Variants in PC observed in about 807,000 individuals in gnomAD.
The protein encoded by PC is pyruvate carboxylase, also known as pyruvate carboxylase, mitochondrial.
In PC, 46 loss-of-function variants were observed where a neutral mutation model predicts 107.8. The observed-to-expected ratio is 0.43, with a 90% CI of 0.34 to 0.55. The LOEUF is 0.55. PC is among the 20% of genes least tolerant of loss of function. The probability of loss-of-function intolerance (pLI) is 0.04; values close to 1 mark genes in which losing one functional copy is unlikely to be tolerated. For missense variants in PC, 1,241 were observed against 1,643.1 expected, an observed-to-expected ratio of 0.76 and a Z score of 4.23; for synonymous variants, 662 against 684.7, an observed-to-expected ratio of 0.97 and a Z score of 0.52.
At chr11:66,942,348 C>T (rs1372626344) in intron 3 of PC, among the ~76,000 whole-genome samples, 5 of 148,640 alleles carry the variant, frequency 3.4e-5, no homozygotes, top group African/African-American at 7.5e-5. Context: ...TGCAGTGAGC[C>T]GAGATCGCAC....
At chr11:66,867,137 G>A (rs1565239087) in intron 10 of PC, among the ~76,000 whole-genome samples, 1 of 152,208 alleles carries the variant, frequency 6.6e-6, no homozygotes, top group Non-Finnish European at 1.5e-5. Flanking sequence ...TGTAATCCCA[G>A]CACTTTGGGA....
chr11:66,877,210 T>G (rs145323014), intron 3 of PC, among the ~76,000 whole-genome samples: 1 of 151,982 alleles, frequency 6.6e-6, no homozygotes, highest in South Asian at 2.1e-4. Context: ...ACATGGTGAA[T>G]CCCCGTCTCT....
At chr11:66,940,907 C>T (rs113528271) in intron 3 of PC, among the ~76,000 whole-genome samples, 152 of 151,688 alleles carry the variant, frequency 1.0e-3, no homozygotes, top group South Asian at 1.3e-3. Context: ...GCTAACACGT[C>T]TCTACTAAAA....
chr11:66,901,273 C>T (rs1283616338), intron 3 of PC, among the ~76,000 whole-genome samples: 2 of 152,106 alleles, frequency 1.3e-5, no homozygotes, highest in East Asian at 1.9e-4. Context: ...TAGGTCCAGC[C>T]GATGAGACAG....
intron 3 of PC, among the ~76,000 whole-genome samples, chr11:66,922,553 T>TAAAAAAAA (rs1198835228): frequency 1.2e-5 from 1 of 84,370 alleles, no homozygotes; most frequent in Non-Finnish European, 2.3e-5. Flanking sequence ...GACTTTGTCT[T>TAAAAAAAA]AAAAAAAAAA....
chr11:66,925,336 A>C (rs1372658450), intron 3 of PC, among the ~76,000 whole-genome samples: 1 of 152,130 alleles, frequency 6.6e-6, no homozygotes, highest in Non-Finnish European at 1.5e-5. Flanking sequence ...CTTAGACCAT[A>C]AAAGACGGCT....
intron 3 of PC, among the ~76,000 whole-genome samples, chr11:66,940,199 C>CT (rs144463616): frequency 0.026 from 3,575 of 137,392 alleles, 151 homozygotes; most frequent in African/African-American, 0.089. Context: ...GTTCCCAAAA[C>CT]TTTTTTTTTT....
At chr11:66,874,058 C>T (rs1428468128) in intron 3 of PC, among the ~76,000 whole-genome samples, 3 of 151,926 alleles carry the variant, frequency 2.0e-5, no homozygotes, top group Admixed American at 6.6e-5. Flanking sequence ...CTCCTGGGTT[C>T]GAGTGATTCT....
At chr11:66,931,128 C>T (rs965764499) in intron 3 of PC, among the ~76,000 whole-genome samples, 2 of 152,090 alleles carry the variant, frequency 1.3e-5, no homozygotes, top group African/African-American at 4.8e-5. Context: ...TCTGTCATCC[C>T]AGCACTTTGG....
intron 3 of PC, among the ~76,000 whole-genome samples, chr11:66,906,222 A>G (rs939595794): frequency 1.3e-5 from 2 of 152,282 alleles, no homozygotes; most frequent in Admixed American, 1.3e-4. Flanking sequence ...TCATTCATTC[A>G]GTCACTTCTG....
Position 66,848,432 on chromosome 11 carries a change from C to CACAACT in PC, c.*461_*466dup, listed in dbSNP as rs1945281653. ...TCTCACTACCCTCTGAGGAGAACGA[C>CACAACT]ACAACTGACCTGCCCACCCATGGGG... is the stretch of plus-strand genomic sequence containing the variant. On this transcript the variant is annotated 3_prime_UTR_variant, in exon 23 of 23. Transcript: ENST00000393960. 1.9e-6 allele frequency: 1 copy of CACAACT among 520,630 alleles called. No homozygotes were observed. Among genetic ancestry groups the CACAACT allele is most frequent in the African/African-American group, 1.9e-5 (1 of 52,666 alleles). 32.3% of individuals were successfully genotyped at this position (520,630 alleles called of 1,614,324 possible).
chr11:66,921,515 C>A (rs1948595836), intron 3 of PC, among the ~76,000 whole-genome samples: 1 of 152,122 alleles, frequency 6.6e-6, no homozygotes, highest in Admixed American at 6.6e-5. Flanking sequence ...AAAGCAAAAA[C>A]CTGGAGCCAT....
chr11:66,911,714 C>T (rs977430575), intron 3 of PC, among the ~76,000 whole-genome samples: 10 of 152,052 alleles, frequency 6.6e-5, no homozygotes, highest in African/African-American at 2.4e-4. Context: ...AGAATACAAA[C>T]TCAGGAACAA....
chr11:66,869,583 T>G (rs1261662632), intron 9 of PC, among the ~76,000 whole-genome samples: 3 of 152,174 alleles, frequency 2.0e-5, no homozygotes, highest in Non-Finnish European at 4.4e-5. Context: ...AAGACCTGAC[T>G]TAAACGCGAC....
intron 3 of PC, among the ~76,000 whole-genome samples, chr11:66,909,726 C>T (rs930270490): frequency 6.6e-6 from 1 of 152,092 alleles, no homozygotes; most frequent in Non-Finnish European, 1.5e-5. Context: ...GAAGCAAATG[C>T]CAGTGCTGAA....
At chr11:66,918,790 C>T (rs941184194) in intron 3 of PC, among the ~76,000 whole-genome samples, 1 of 152,048 alleles carries the variant, frequency 6.6e-6, no homozygotes, top group Non-Finnish European at 1.5e-5. Flanking sequence ...ACGCCAAACA[C>T]GTGTGACCTC....
intron 3 of PC, among the ~76,000 whole-genome samples, chr11:66,909,889 T>C (rs1373094741): frequency 6.6e-6 from 1 of 152,024 alleles, no homozygotes; most frequent in Non-Finnish European, 1.5e-5. Context: ...ACCATGCAGT[T>C]TGGTATGGCT....
In PC at chr11:66,857,575, C is replaced by A; in HGVS notation, c.1369-4192G>T. The A allele has an allele frequency of 3.0e-6, 2 of 675,864 alleles. No homozygotes were observed. Among genetic ancestry groups the A allele is most frequent in the South Asian group, 4.0e-5 (2 of 49,526 alleles). The allele number at this position is 675,864 out of a possible 1,614,324, so 41.9% of individuals were successfully genotyped here. A position where few individuals can be genotyped will look rare whatever the true frequency, so the allele number is the denominator to read the frequency against. ...CTTTGCTCTGGGGGGCCTGGCCCTG[C>A]AGGCCCCAACCTTCCCTCATCTCTG... On this transcript the variant is annotated intron_variant, in intron 12 of 22. Coordinates refer to ENST00000393960, the MANE Select transcript of PC (RefSeq NM_001040716.2). The surrounding 1 kb of genome is among the most constrained non-coding windows in gnomAD (Gnocchi z 7.1).
At position 66,860,574 on chromosome 11, in the gene PC, G is replaced by A. The variant is rs925798291; in HGVS notation, c.1368+3200C>T. ...GGACAAGGGTGGGGCTACCAGGGCC[G>A]GTGGGGGCAGTCACAGCAGCCTGGG... On this transcript the variant is annotated intron_variant, in intron 12 of 22. Transcript: ENST00000393960. The A allele has an allele frequency of 1.9e-5, 13 of 701,300 alleles. No homozygotes were observed. The East Asian group carries it at 1.9e-4, about 10-fold the overall frequency. 43.4% of individuals were successfully genotyped at this position (701,300 alleles called of 1,614,324 possible).
Sources: gnomAD v4.1 joint callset for allele counts (sites outside exome capture counted in the v4.1 genomes callset) on GRCh38, gnomAD v4.1.1 for gene constraint, Gnocchi (gnomAD v3.1) non-coding constraint, MANE v1.5 for transcripts, NCBI Gene and HGNC (gene_info 2026-07-23, HGNC 2026-07-21) for gene names.